Variants in SV2C observed in about 807,000 individuals in gnomAD.
The protein encoded by SV2C is solute carrier family 22 member B3.
A neutral mutation model predicts 79.7 loss-of-function variants in SV2C; 49 were observed. The observed-to-expected ratio is 0.61, with a 90% CI of 0.49 to 0.78. The LOEUF (loss-of-function observed/expected upper bound fraction) is 0.78. Ranked by LOEUF, SV2C falls within the 30% of genes least tolerant of loss-of-function variation. The pLI is 0.00. For synonymous variants in SV2C, 334 were observed against 333.2 expected, an observed-to-expected ratio of 1.00 and a Z score of -0.03; for missense variants, 833 against 912.9, an observed-to-expected ratio of 0.91 and a Z score of 1.13.
intron 4 of SV2C, among the ~76,000 whole-genome samples, chr5:76,223,929 G>A (rs1395904281): frequency 1.3e-5 from 2 of 152,050 alleles, no homozygotes; most frequent in Admixed American, 1.3e-4. Context: ...GGGAAGTGGT[G>A]GGGGGATGGG....
chr5:75,968,192 C>T, the SV2C span, among the ~76,000 whole-genome samples: 2 of 152,038 alleles, frequency 1.3e-5, no homozygotes, highest in Non-Finnish European at 1.5e-5. Context: ...CATCAAAGAC[C>T]AAAGCCACAA....
At chr5:76,096,492 A>AT (rs1747565065) in intron 1 of SV2C, among the ~76,000 whole-genome samples, 3 of 152,142 alleles carry the variant, frequency 2.0e-5, no homozygotes, top group Non-Finnish European at 4.4e-5. Flanking sequence ...TAGACTGAGC[A>AT]TGGCTGGGGT....
intron 12 of SV2C, among the ~76,000 whole-genome samples, chr5:76,346,711 A>G (rs12153255): frequency 0.027 from 4,188 of 152,338 alleles, 92 homozygotes; most frequent in Non-Finnish European, 0.044. Flanking sequence ...TACACATAGC[A>G]GACACAAAAC....
At chr5:76,131,623 G>A (rs1016627248) in intron 1 of SV2C, 27 bp from the exon 2 acceptor site, 10 of 597,570 alleles carry the variant, frequency 1.7e-5, no homozygotes, top group South Asian at 1.1e-4. Flanking sequence ...GGAATAATAA[G>A]TATCTCCTCT....
chr5:76,169,801 C>T (rs1580323870), intron 2 of SV2C, among the ~76,000 whole-genome samples: 1 of 152,144 alleles, frequency 6.6e-6, no homozygotes, highest in African/African-American at 2.4e-5. Flanking sequence ...TGCTAGGTAG[C>T]CAGATCATTT....
At chr5:76,230,515 A>G (rs917418849) in intron 4 of SV2C, among the ~76,000 whole-genome samples, 4 of 152,226 alleles carry the variant, frequency 2.6e-5, no homozygotes, top group Non-Finnish European at 5.9e-5. Flanking sequence ...AACAAATAAC[A>G]TAGCATGGCT....
chr5:76,295,662 T>C lies in SV2C; in HGVS notation c.1338-116T>C, dbSNP rs1580040622. 12 of 969,100 alleles carry C rather than the reference T, an allele frequency of 1.2e-5. No individual in the cohort carries two copies. The East Asian group carries it at 3.1e-4, about 25-fold the overall frequency. The allele number at this position is 969,100 out of a possible 1,614,324, so 60.0% of individuals were successfully genotyped here. On this transcript the variant is annotated intron_variant, in intron 8 of 12. Coordinates refer to ENST00000502798, the MANE Select transcript of SV2C (RefSeq NM_014979.4). ...GCTGTATGATGAATTACTCATAATG[T>C]TATAGGGAGCCAGCCATTCTCCGGG...
At chr5:76,239,842 T>C (rs1745727428) in intron 4 of SV2C, among the ~76,000 whole-genome samples, 1 of 152,190 alleles carries the variant, frequency 6.6e-6, no homozygotes, top group Admixed American at 6.5e-5. Context: ...AATTCATTAA[T>C]GTATGAATCC....
chr5:76,338,167 G>C (rs1749364221), downstream of SV2C, among the ~76,000 whole-genome samples: 1 of 152,216 alleles, frequency 6.6e-6, no homozygotes, highest in South Asian at 2.1e-4. Context: ...GGAAAGCCAG[G>C]CTCCTGCCCT....
the SV2C span, among the ~76,000 whole-genome samples, chr5:75,942,199 T>C: frequency 6.6e-6 from 1 of 152,204 alleles, no homozygotes; most frequent in South Asian, 2.1e-4. Flanking sequence ...TCCTTCTAGA[T>C]CTCGCCCTAT....
chr5:76,325,344 C>A lies in SV2C; in HGVS notation c.2001-20C>A, dbSNP rs775424119. 1 of 1,612,604 alleles carries A rather than the reference C, an allele frequency of 6.2e-7. No individual in the cohort carries two copies. Reference sequence around the variant, plus strand: ...GGGGAGGCATTTTCTCAACCTTGTTCATGTCTCTTTCCTTTGCAGGGCAAC... The same window carrying A: ...GGGGAGGCATTTTCTCAACCTTGTTAATGTCTCTTTCCTTTGCAGGGCAAC... On this transcript the variant is annotated intron_variant, in intron 12 of 12. Coordinates refer to ENST00000502798, the MANE Select transcript of SV2C (RefSeq NM_014979.4).
chr5:75,954,407 C>A, the SV2C span, among the ~76,000 whole-genome samples: 3 of 151,850 alleles, frequency 2.0e-5, no homozygotes, highest in Non-Finnish European at 4.4e-5. Flanking sequence ...CCATCAATAC[C>A]TAATTTATTG....
chr5:76,256,529 A>G (rs1157772452), intron 4 of SV2C, among the ~76,000 whole-genome samples: 2 of 152,142 alleles, frequency 1.3e-5, no homozygotes, highest in Non-Finnish European at 2.9e-5. Flanking sequence ...CAACCCTTAA[A>G]CGTTTTAGCT....
downstream of SV2C, among the ~76,000 whole-genome samples, chr5:76,336,109 C>CA (rs1042024399): frequency 4.7e-5 from 6 of 128,026 alleles, no homozygotes; most frequent in African/African-American, 1.7e-4. Context: ...TCTGACCCCC[C>CA]CCACCTCCCT....
the SV2C span, among the ~76,000 whole-genome samples, chr5:75,853,704 G>A: frequency 7.0e-6 from 1 of 143,286 alleles, no homozygotes. Flanking sequence ...TCATTGTCAA[G>A]TGAAGAGGCA....
At chr5:76,324,473 C>G (rs530524220) in intron 12 of SV2C, among the ~76,000 whole-genome samples, 2 of 152,184 alleles carry the variant, frequency 1.3e-5, no homozygotes, top group Non-Finnish European at 2.9e-5. Flanking sequence ...ACCTGCCTCT[C>G]TCTAATGAAC....
intron 1 of SV2C, among the ~76,000 whole-genome samples, chr5:76,087,125 A>G (rs1225846538): frequency 2.2e-4 from 34 of 152,250 alleles, no homozygotes; most frequent in Admixed American, 2.2e-3. Flanking sequence ...ACATGAAGCT[A>G]TAGGCTCTGT....
chr5:75,911,055 C>T, the SV2C span: 3 of 1,214,470 alleles, frequency 2.5e-6, no homozygotes, highest in Non-Finnish European at 2.4e-6. Context: ...GAATCTGTCG[C>T]AACAACTGAA....
intron 1 of SV2C, among the ~76,000 whole-genome samples, chr5:76,095,411 G>T (rs1418515790): frequency 6.6e-6 from 1 of 152,078 alleles, no homozygotes; most frequent in Non-Finnish European, 1.5e-5. Context: ...CAGCTTTAGT[G>T]TGCTGCCTTT....
Sources: gnomAD v4.1 joint callset for allele counts (sites outside exome capture counted in the v4.1 genomes callset) on GRCh38, gnomAD v4.1.1 for gene constraint, MANE v1.5 for transcripts, NCBI Gene and HGNC (gene_info 2026-07-23, HGNC 2026-07-21) for gene names.